TMC1: variants seen among roughly 807,000 people sequenced by gnomAD.
TMC1 encodes the protein transmembrane channel-like protein 1.
Under a neutral mutation model 105.8 loss-of-function variants are expected in TMC1, and 84 were observed. The observed-to-expected ratio is 0.79, with a 90% CI of 0.67 to 0.95. The LOEUF is 0.95. TMC1 is among the 40% of genes least tolerant of loss of function. The probability of loss-of-function intolerance (pLI) is 0.00; values close to 1 mark genes in which losing one functional copy is unlikely to be tolerated. For synonymous variants in TMC1, 315 were observed against 311.5 expected (o/e 1.01, Z -0.12); for missense variants, 817 against 914.1 (o/e 0.89, Z 1.37).
chr9:72,735,249 C>T (rs1827278126), intron 8 of TMC1, among the ~76,000 whole-genome samples: 1 of 152,142 alleles, frequency 6.6e-6, no homozygotes, highest in African/African-American at 2.4e-5. Flanking sequence ...TTGTTGAATG[C>T]AATTCAAGGG....
At chr9:72,584,815 C>T (rs1415790029) in intron 2 of TMC1, among the ~76,000 whole-genome samples, 2 of 120,214 alleles carry the variant, frequency 1.7e-5, no homozygotes, top group Non-Finnish European at 3.2e-5. Context: ...GACAGGGTCT[C>T]GCTTCGTTGC....
chr9:72,526,183 G>A (rs1219252916), intron 1 of TMC1, among the ~76,000 whole-genome samples: 1 of 152,142 alleles, frequency 6.6e-6, no homozygotes, highest in African/African-American at 2.4e-5. Context: ...TTGGAGATTT[G>A]TTAATTTCCT....
intron 4 of TMC1, among the ~76,000 whole-genome samples, chr9:72,648,209 T>G (rs555315297): frequency 1.1e-4 from 16 of 152,302 alleles, no homozygotes; most frequent in Non-Finnish European, 2.2e-4. Context: ...GCACACTTAG[T>G]GGCTGGTATT....
chr9:72,632,444 T>C (rs1410830480), intron 4 of TMC1, among the ~76,000 whole-genome samples: 2 of 152,102 alleles, frequency 1.3e-5, no homozygotes, highest in Non-Finnish European at 2.9e-5. Flanking sequence ...GACTCCATAC[T>C]GCAGAACACA....
rs1419051939 is a variant in TMC1 at position 72,654,082 on chromosome 9, G to A, written c.16+5418G>A. 2.6e-5 allele frequency among the ~76,000 whole-genome samples: 4 copies of A among 152,264 alleles called. No individual in the cohort carries two copies. In the East Asian group the frequency reaches 7.7e-4, roughly 29 times the overall value. ...TATATTTGGGGCTGTTATGAATAAAGCTGATGTGAACATTTGAATAGAAGT... is the reference window on the plus strand; with the variant it reads ...TATATTTGGGGCTGTTATGAATAAAACTGATGTGAACATTTGAATAGAAGT... On this transcript the variant is annotated intron_variant, in intron 5 of 23. Coordinates refer to ENST00000297784, the MANE Select transcript of TMC1 (RefSeq NM_138691.3).
At chr9:72,638,780 G>A (rs1015867113) in intron 4 of TMC1, among the ~76,000 whole-genome samples, 1 of 152,172 alleles carries the variant, frequency 6.6e-6, no homozygotes. Context: ...CTATGTGTTA[G>A]ATTTTGGACT....
chr9:72,703,000 A>T (rs984895129), intron 8 of TMC1, among the ~76,000 whole-genome samples: 5 of 152,168 alleles, frequency 3.3e-5, no homozygotes, highest in African/African-American at 1.2e-4. Context: ...TTTGGCCCAC[A>T]TGTGTTTTGT....
rs191806581 is a variant in TMC1, at chr9:72,673,678, G to T, written c.17-15031G>T. Among the ~76,000 whole-genome samples the T allele has an allele frequency of 1.1e-4, 16 of 152,170 alleles. No individual in the cohort carries two copies. The East Asian group carries it at 3.1e-3, about 29-fold the overall frequency. On this transcript the variant is annotated intron_variant, in intron 5 of 23. Transcript: ENST00000297784. ...ATAAATTTGACAACTTAGATAAATT[G>T]CACAAATTACTTATATGACACAATC... is the stretch of plus-strand genomic sequence containing the variant.
At chr9:72,573,949 C>T (rs1199076034) in intron 1 of TMC1, among the ~76,000 whole-genome samples, 1 of 152,166 alleles carries the variant, frequency 6.6e-6, no homozygotes, top group Non-Finnish European at 1.5e-5. Context: ...TCCTACTTTC[C>T]ACCCTCAAGT....
At chr9:72,655,073 G>A (rs72733007) in intron 5 of TMC1, among the ~76,000 whole-genome samples, 8,722 of 152,226 alleles carry the variant, frequency 0.057, 316 homozygotes, top group Non-Finnish European at 0.084. Flanking sequence ...TGGATCATGA[G>A]GGCCGTTCGC....
At chr9:72,829,415 G>C (rs1316168687) in intron 21 of TMC1, among the ~76,000 whole-genome samples, 1 of 152,188 alleles carries the variant, frequency 6.6e-6, no homozygotes, top group African/African-American at 2.4e-5. Flanking sequence ...GAGAATTCCA[G>C]AACTTGAAAG....
chr9:72,681,239 A>G (rs530327835), intron 5 of TMC1, among the ~76,000 whole-genome samples: 126 of 152,240 alleles, frequency 8.3e-4, no homozygotes, highest in Non-Finnish European at 1.5e-3. Context: ...CACTCTGAAT[A>G]TATATTATGA....
chr9:72,674,099 C>G (rs993596265), intron 5 of TMC1, among the ~76,000 whole-genome samples: 2 of 152,088 alleles, frequency 1.3e-5, no homozygotes, highest in African/African-American at 4.8e-5. Context: ...AAGATTTGAA[C>G]ACTGAAAACT....
At chr9:72,745,595 G>A (rs1432120553) in intron 10 of TMC1, among the ~76,000 whole-genome samples, 1 of 152,012 alleles carries the variant, frequency 6.6e-6, no homozygotes, top group Admixed American at 6.6e-5. Context: ...ATAACCATGA[G>A]GCTTTGGGCT....
chr9:72,711,723 G>C (rs1826840993), intron 8 of TMC1, among the ~76,000 whole-genome samples: 1 of 152,138 alleles, frequency 6.6e-6, no homozygotes, highest in Non-Finnish European at 1.5e-5. Flanking sequence ...TAGATTGCCT[G>C]TCCAATCTGA....
At chr9:72,671,004 A>G (rs1403617713) in intron 5 of TMC1, among the ~76,000 whole-genome samples, 1 of 152,224 alleles carries the variant, frequency 6.6e-6, no homozygotes, top group Non-Finnish European at 1.5e-5. Context: ...AGCTGAGGCC[A>G]CTATAACAAA....
rs763423820 is a variant in TMC1 at position 72,830,697 on chromosome 9, T to TATGTTTGTA, written c.2260+27_2260+35dup. The stretch of plus-strand genomic sequence containing the variant: ...TGCACGAGCAGGTTGGAGATACGTT[T>TATGTTTGTA]ATGTTTGTAATGTTTGTAATTTTTC... On this transcript the variant is annotated intron_variant, in intron 23 of 23. Transcript: ENST00000297784. 1.2e-6 allele frequency: 2 copies of TATGTTTGTA among 1,610,028 alleles called. No homozygotes were observed. The highest frequency in any genetic ancestry group is 3.3e-5 in the Admixed American group (2 of 59,752).
intron 8 of TMC1, among the ~76,000 whole-genome samples, chr9:72,704,178 A>T (rs932420671): frequency 6.6e-6 from 1 of 152,160 alleles, no homozygotes; most frequent in African/African-American, 2.4e-5. Context: ...TGTTATTAAT[A>T]TTCCCCAAAT....
chr9:72,681,546 T>C (rs1357042513), intron 5 of TMC1, among the ~76,000 whole-genome samples: 1 of 152,170 alleles, frequency 6.6e-6, no homozygotes, highest in Non-Finnish European at 1.5e-5. Context: ...GCTTCACATT[T>C]CATATTTGCT....
Sources: gnomAD v4.1 joint callset for allele counts (sites outside exome capture counted in the v4.1 genomes callset) on GRCh38, gnomAD v4.1.1 for gene constraint, MANE v1.5 for transcripts, NCBI Gene and HGNC (gene_info 2026-07-23, HGNC 2026-07-21) for gene names.